SPATA13: variants seen among roughly 807,000 people sequenced by gnomAD.
SPATA13 encodes spermatogenesis associated 13, also known as spermatogenesis-associated protein 13.
SPATA13 carries 50 observed loss-of-function variants against 104.0 expected under a neutral mutation model. The ratio of observed to expected loss-of-function variants is 0.48; its 90% CI spans 0.38 to 0.61. The LOEUF is 0.61. Among genes scored for constraint, SPATA13 ranks in the 20% least tolerant of loss-of-function variants. SPATA13 has a pLI of 0.00. For missense variants in SPATA13, 1,524 were observed against 1,690.6 expected (o/e 0.90, Z 1.73); for synonymous variants, 606 against 667.5 (o/e 0.91, Z 1.42).
intron 1 of SPATA13, among the ~76,000 whole-genome samples, chr13:24,200,437 C>T (rs1870328715): frequency 6.6e-6 from 1 of 151,946 alleles, no homozygotes; most frequent in Non-Finnish European, 1.5e-5. Context: ...AAGTAAACAC[C>T]ATGTATGCAC....
chr13:23,990,307 G>A (rs552251353), intron 2 of SPATA13, among the ~76,000 whole-genome samples: 2 of 152,234 alleles, frequency 1.3e-5, no homozygotes, highest in East Asian at 1.9e-4. Flanking sequence ...CCCTTTGATG[G>A]CCACCACTCC....
chr13:24,139,838 A>C (rs901888245), intron 3 of SPATA13, among the ~76,000 whole-genome samples: 3 of 152,078 alleles, frequency 2.0e-5, no homozygotes, highest in Non-Finnish European at 2.9e-5. Flanking sequence ...GAGGCCAAGG[A>C]GGGCGGATAA....
rs1007074425 is a variant in SPATA13, at chr13:24,082,965, T to G, written c.-112+65264T>G. The stretch of plus-strand genomic sequence containing the variant: ...GTAATTTTATAAGAGTAGTATTTTT[T>G]GTGTAATTTTGCCAAGTGCTTCTGA... On this transcript the variant is annotated intron_variant, in intron 3 of 14. Transcript: ENST00000424834. Among the ~76,000 whole-genome samples the G allele has an allele frequency of 3.3e-5, 5 of 152,334 alleles. No individual in the cohort carries two copies. In the South Asian group the frequency reaches 6.2e-4, roughly 19 times the overall value.
At chr13:24,119,009 G>GA (rs1880947641) in intron 3 of SPATA13, among the ~76,000 whole-genome samples, 1 of 151,776 alleles carries the variant, frequency 6.6e-6, no homozygotes, top group Non-Finnish European at 1.5e-5. Flanking sequence ...GGGTTCAAGT[G>GA]ATTCTCCTTC....
intron 1 of SPATA13, among the ~76,000 whole-genome samples, chr13:24,186,106 T>G (rs34308776): frequency 0.42 from 63,473 of 152,012 alleles, 15,141 homozygotes; most frequent in Non-Finnish European, 0.54. Context: ...ACATCCAGAC[T>G]GGTGTTTGGC....
chr13:23,984,081 T>A, intron 2 of SPATA13: 1 of 334,478 alleles, frequency 3.0e-6, no homozygotes, highest in Non-Finnish European at 4.3e-6. Context: ...AACAAGGGTG[T>A]AATTGGAACG....
At chr13:24,031,585 A>G (rs1036195847) in intron 3 of SPATA13, among the ~76,000 whole-genome samples, 2 of 152,218 alleles carry the variant, frequency 1.3e-5, no homozygotes, top group African/African-American at 2.4e-5. Context: ...TGAAATGAAC[A>G]TTTTTAATAA....
At chr13:24,248,979 C>T (rs927917470) in intron 2 of SPATA13, among the ~76,000 whole-genome samples, 50 of 151,824 alleles carry the variant, frequency 3.3e-4, no homozygotes, top group African/African-American at 1.1e-3. Context: ...AAGCAATTCT[C>T]CTGTCTCAGC....
chr13:24,180,249 G>T (rs902458976), intron 1 of SPATA13, among the ~76,000 whole-genome samples: 10 of 152,146 alleles, frequency 6.6e-5, no homozygotes, highest in Non-Finnish European at 1.5e-4. Context: ...TTGAAAGGAT[G>T]ATTCTTTCAC....
chr13:24,050,087 G>A (rs1051376966), intron 3 of SPATA13, among the ~76,000 whole-genome samples: 2 of 152,048 alleles, frequency 1.3e-5, no homozygotes, highest in Admixed American at 1.3e-4. Flanking sequence ...GGCCAGGCTG[G>A]TCTCGAACTC....
At position 24,227,024 on chromosome 13, in the gene SPATA13, A is replaced by C. The variant is rs139293259; in HGVS notation, c.1653+2442A>C. 2.6e-5 allele frequency among the ~76,000 whole-genome samples: 4 copies of C among 152,312 alleles called. No homozygotes were observed. In the East Asian group the frequency reaches 7.7e-4, roughly 29 times the overall value. On this transcript the variant is annotated intron_variant, in intron 2 of 12. Transcript: ENST00000382108. ...ATTTGCATATTTGAGCCTGTGGAGC[A>C]GTTGTAAGGACACAGGAGTAGTTAC...
rs182893545 is a variant in SPATA13 at position 24,230,823 on chromosome 13, G to C, written c.1653+6241G>C. Among the ~76,000 whole-genome samples, 29 of 152,276 alleles carry C rather than the reference G, an allele frequency of 1.9e-4. No individual in the cohort carries two copies. The East Asian group carries it at 5.6e-3, about 29-fold the overall frequency. On this transcript the variant is annotated intron_variant, in intron 2 of 12. Transcript: ENST00000382108. ...TTAGGTCTGGACATCATTAGGAAGG[G>C]CCTCGCTTACAGCTGTGAATTTGGA...
intron 1 of SPATA13, among the ~76,000 whole-genome samples, chr13:24,173,386 GTGTGT>G (rs1197578295): frequency 6.6e-6 from 1 of 151,492 alleles, no homozygotes; most frequent in Non-Finnish European, 1.5e-5. Context: ...GTGTGTGTGT[GTGTGT>G]GTGTGTGTGT....
chr13:23,988,236 T>C (rs1875245757), intron 2 of SPATA13, among the ~76,000 whole-genome samples: 1 of 152,220 alleles, frequency 6.6e-6, no homozygotes, highest in East Asian at 1.9e-4. Flanking sequence ...CGTGAGCCAC[T>C]GCGCCCAGCC....
chr13:24,085,554 C>T lies in SPATA13; in HGVS notation c.-112+67853C>T, dbSNP rs151020645. Reference sequence around the variant, plus strand: ...GTGCAGAAATCAGCTCAAAGGAGGACGTCCGAGGGACCCTAGATCCAGAGG... The same window carrying T: ...GTGCAGAAATCAGCTCAAAGGAGGATGTCCGAGGGACCCTAGATCCAGAGG... On this transcript the variant is annotated intron_variant, in intron 3 of 14. Transcript: ENST00000424834. 6.4e-4 allele frequency among the ~76,000 whole-genome samples: 97 copies of T among 152,324 alleles called. 1 individual carries two copies. The East Asian group carries it at 7.5e-3, about 12-fold the overall frequency.
intron 2 of SPATA13, among the ~76,000 whole-genome samples, chr13:23,991,774 A>T (rs1875427453): frequency 6.6e-6 from 1 of 152,024 alleles, no homozygotes; most frequent in Admixed American, 6.5e-5. Flanking sequence ...CAGATTAGGG[A>T]GACTCTGAGT....
chr13:24,264,252 T>C (rs1196560801), intron 4 of SPATA13, among the ~76,000 whole-genome samples: 4 of 152,156 alleles, frequency 2.6e-5, no homozygotes, highest in Non-Finnish European at 5.9e-5. Context: ...GTCTGTCTTA[T>C]TACTAAGCTT....
At position 24,070,308 on chromosome 13, in the gene SPATA13, C is replaced by T. The variant is rs185065665; in HGVS notation, c.-112+52607C>T. 4.6e-5 allele frequency among the ~76,000 whole-genome samples: 7 copies of T among 152,314 alleles called. No homozygotes were observed. In the East Asian group the frequency reaches 7.7e-4, roughly 17 times the overall value. ...AGCCCTGATGCGTGGCTGACCAGGG[C>T]TGCAGCATTTCTCTGGGATTCTCCT... On this transcript the variant is annotated intron_variant, in intron 3 of 14. Transcript: ENST00000424834.
chr13:24,020,769 C>T (rs1280961613), intron 3 of SPATA13, among the ~76,000 whole-genome samples: 2 of 152,084 alleles, frequency 1.3e-5, no homozygotes, highest in Admixed American at 6.6e-5. Flanking sequence ...TTGGGCCGGG[C>T]GAGATGACTC....
Sources: allele counts gnomAD v4.1 joint callset (sites outside exome capture counted in the v4.1 genomes callset), GRCh38; gene constraint gnomAD v4.1.1; transcripts MANE v1.5; gene names NCBI Gene and HGNC (gene_info 2026-07-23, HGNC 2026-07-21).